The following KRABD1 variants were observed in gnomAD, a reference collection of about 807,000 sequenced individuals.
KRABD1 encodes the protein KRAB domain-containing protein 1.
At chr3:42,939,457 T>C in the KRABD1 span, among the ~76,000 whole-genome samples, 1 of 152,228 alleles carries the variant, frequency 6.6e-6, no homozygotes, top group Admixed American at 6.5e-5. Context: ...GCACATTTTA[T>C]TCATTCTATT....
the KRABD1 span, among the ~76,000 whole-genome samples, chr3:42,939,932 G>T: frequency 6.6e-6 from 1 of 152,012 alleles, no homozygotes; most frequent in Non-Finnish European, 1.5e-5. Flanking sequence ...AGACATATGT[G>T]TTATTAAGTA....
chr3:42,942,610 G>T, the KRABD1 span: 1 of 1,438,144 alleles, frequency 7.0e-7, no homozygotes, highest in South Asian at 1.5e-5. Context: ...AAAATTTTTC[G>T]AAATCGTCAA....
chr3:42,941,175 G>T, the KRABD1 span: 4 of 1,519,506 alleles, frequency 2.6e-6, no homozygotes, highest in South Asian at 3.7e-5. Context: ...TGGCAGATTT[G>T]ACCATCACCA....
chr3:42,939,007 A>C, the KRABD1 span: 18 of 1,060,812 alleles, frequency 1.7e-5, no homozygotes, highest in Non-Finnish European at 2.4e-5. Context: ...CATACATAAA[A>C]ATATCTATAT....
the KRABD1 span, chr3:42,941,078 TA>T: frequency 1.7e-6 from 1 of 599,404 alleles, no homozygotes; most frequent in Non-Finnish European, 2.6e-6. Context: ...CCTCCACACC[TA>T]AATTTTACAC....
chr3:42,941,429 A>AATAGCGATG, the KRABD1 span: 1 of 1,413,752 alleles, frequency 7.1e-7, no homozygotes, highest in African/African-American at 1.4e-5. Flanking sequence ...GCTGACCCCA[A>AATAGCGATG]ATAGCGATGT....
At chr3:42,938,980 T>A in the KRABD1 span, 2 of 1,359,774 alleles carry the variant, frequency 1.5e-6, no homozygotes, top group Non-Finnish European at 2.0e-6. Context: ...TGTATATACA[T>A]ATGTGTTTAT....
the KRABD1 span, chr3:42,942,157 C>G: frequency 3.3e-5 from 31 of 936,284 alleles, no homozygotes; most frequent in Non-Finnish European, 5.0e-5. Context: ...GTTCTCTGTG[C>G]CCAGCATCAT....
the KRABD1 span, chr3:42,942,616 G>C: frequency 7.0e-7 from 1 of 1,423,762 alleles, no homozygotes; most frequent in African/African-American, 1.4e-5. Context: ...TTTCGAAATC[G>C]TCAATGCTGG....
At chr3:42,939,337 A>G in the KRABD1 span, among the ~76,000 whole-genome samples, 1 of 152,208 alleles carries the variant, frequency 6.6e-6, no homozygotes, top group Non-Finnish European at 1.5e-5. Flanking sequence ...ATTCTTTTGT[A>G]TCTGCCTTCT....
chr3:42,938,609 A>G, the KRABD1 span: 28 of 318,022 alleles, frequency 8.8e-5, no homozygotes, highest in Non-Finnish European at 1.6e-4. Flanking sequence ...GATGTATTCT[A>G]TGGATTAGCT....
the KRABD1 span, chr3:42,941,150 T>C: frequency 7.0e-7 from 1 of 1,418,476 alleles, no homozygotes; most frequent in East Asian, 2.5e-5. Flanking sequence ...TAGATGCCCT[T>C]CTCAGGTCTC....
the KRABD1 span, chr3:42,941,279 C>A: frequency 1.3e-6 from 2 of 1,593,576 alleles, no homozygotes; most frequent in East Asian, 4.5e-5. Context: ...AGGAATGGGC[C>A]ATCATGGTGC....
chr3:42,941,230 C>A, the KRABD1 span: 1 of 1,557,444 alleles, frequency 6.4e-7, no homozygotes, highest in Non-Finnish European at 8.6e-7. Context: ...TTTCAGGAAT[C>A]AGTGGCTTTT....
chr3:42,941,295 G>C, the KRABD1 span: 1 of 1,598,622 alleles, frequency 6.3e-7, no homozygotes. Context: ...GGTGCCTGCC[G>C]AGAGGGCCTT....
the KRABD1 span, chr3:42,941,308 A>G: frequency 1.1e-5 from 17 of 1,600,006 alleles, no homozygotes; most frequent in African/African-American, 2.3e-4. Flanking sequence ...AGGGCCTTGT[A>G]CAGGGATGTG....
the KRABD1 span, chr3:42,938,180 G>C: frequency 6.6e-6 from 1 of 152,142 alleles, no homozygotes; most frequent in Non-Finnish European, 1.5e-5. Context: ...TGAAGTATTT[G>C]GGACATGTTA....
the KRABD1 span, chr3:42,942,123 A>G: frequency 4.9e-6 from 6 of 1,235,994 alleles, no homozygotes; most frequent in African/African-American, 6.0e-5. Context: ...CTTTGCCTTC[A>G]TTTCATCAAA....
the KRABD1 span, chr3:42,942,454 G>T: frequency 4.9e-5 from 22 of 446,638 alleles, no homozygotes; most frequent in Non-Finnish European, 6.5e-5. Context: ...TTTTTCATGA[G>T]AACTAATATA....
Sources: gnomAD v4.1 joint callset for allele counts (sites outside exome capture counted in the v4.1 genomes callset) on GRCh38, gnomAD v4.1.1 for gene constraint, MANE v1.5 for transcripts, NCBI Gene and HGNC (gene_info 2026-07-23, HGNC 2026-07-21) for gene names.